The following TTC28 variants were observed in gnomAD, a reference collection of about 807,000 sequenced individuals.
TTC28 encodes the protein tetratricopeptide repeat domain 28.
Under a neutral mutation model 198.0 loss-of-function variants are expected in TTC28, and 61 were observed. The ratio of observed to expected loss-of-function variants is 0.31; its 90% CI spans 0.25 to 0.38. The LOEUF is 0.38. Ranked by LOEUF, TTC28 falls within the 10% of genes least tolerant of loss-of-function variation. TTC28 has a pLI of 1.00. For missense variants in TTC28, 2,678 were observed against 3,164.0 expected (o/e 0.85, Z 3.69); for synonymous variants, 1,171 against 1,297.8 (o/e 0.90, Z 2.10).
chr22:28,310,336 T>G (rs2045234807), intron 2 of TTC28, among the ~76,000 whole-genome samples: 1 of 152,230 alleles, frequency 6.6e-6, no homozygotes, highest in African/African-American at 2.4e-5. Flanking sequence ...ACCAAAGTAT[T>G]TATGCCCTAT....
At chr22:28,153,395 T>TAAAA (rs55726442) in intron 6 of TTC28, among the ~76,000 whole-genome samples, 1 of 97,144 alleles carries the variant, frequency 1.0e-5, no homozygotes, top group Non-Finnish European at 2.0e-5. Context: ...CTCAAAGAAT[T>TAAAA]AAAAAAAAAA....
chr22:27,995,048 A>G (rs1937527884), intron 17 of TTC28, among the ~76,000 whole-genome samples: 1 of 152,132 alleles, frequency 6.6e-6, no homozygotes, highest in Non-Finnish European at 1.5e-5. Flanking sequence ...GGAGACCCTA[A>G]GCTTCAGAAA....
intron 6 of TTC28, among the ~76,000 whole-genome samples, chr22:28,141,839 C>T (rs555135406): frequency 2.6e-5 from 4 of 152,226 alleles, no homozygotes; most frequent in South Asian, 2.1e-4. Flanking sequence ...TCCACAACCA[C>T]GAAACCTCTT....
intron 2 of TTC28, among the ~76,000 whole-genome samples, chr22:28,410,331 G>C (rs1025965048): frequency 6.6e-6 from 1 of 152,018 alleles, no homozygotes; most frequent in African/African-American, 2.4e-5. Flanking sequence ...CTAAACATAG[G>C]CATTTCCCTC....
In TTC28 at chr22:27,987,120, G is replaced by A. The variant is rs188141482; in HGVS notation, c.5708-1764C>T. On this transcript the variant is annotated intron_variant, in intron 21 of 22. Coordinates refer to ENST00000397906, the MANE Select transcript of TTC28 (RefSeq NM_001145418.2). ...CCTCTCTCCAGATGACAGGCCTACC[G>A]GACACCACTCTCCTCCCCGAGCTGT... Among the ~76,000 whole-genome samples, 319 of 152,178 alleles carry A rather than the reference G, an allele frequency of 2.1e-3. 1 individual carries two copies. Among genetic ancestry groups the A allele is most frequent in the Middle Eastern group, 6.8e-3 (2 of 294 alleles).
At chr22:28,288,706 G>A (rs533674605) in intron 5 of TTC28, among the ~76,000 whole-genome samples, 27 of 150,896 alleles carry the variant, frequency 1.8e-4, no homozygotes, top group Middle Eastern at 6.8e-3. Flanking sequence ...CCAGCTACTC[G>A]GGAGACTGAG....
chr22:28,298,114 C>G (rs2044936820), intron 3 of TTC28, among the ~76,000 whole-genome samples: 1 of 152,120 alleles, frequency 6.6e-6, no homozygotes, highest in African/African-American at 2.4e-5. Context: ...TCATGTACCA[C>G]TTTCCCTGAA....
At chr22:28,661,590 G>C (rs1423476454) in intron 1 of TTC28, among the ~76,000 whole-genome samples, 1 of 151,692 alleles carries the variant, frequency 6.6e-6, no homozygotes, top group Non-Finnish European at 1.5e-5. Flanking sequence ...CGGCTAATTT[G>C]ACTGATTGAT....
At chr22:28,359,289 A>G (rs1034805691) in intron 2 of TTC28, among the ~76,000 whole-genome samples, 2 of 152,188 alleles carry the variant, frequency 1.3e-5, no homozygotes, top group Non-Finnish European at 2.9e-5. Flanking sequence ...TATAAGAATC[A>G]TATCAGAAGA....
chr22:28,605,202 C>G (rs1360285486), intron 2 of TTC28, among the ~76,000 whole-genome samples: 1 of 152,122 alleles, frequency 6.6e-6, no homozygotes, highest in African/African-American at 2.4e-5. Context: ...AGCCTGGTTT[C>G]CAAGGAGATG....
intron 2 of TTC28, among the ~76,000 whole-genome samples, chr22:28,576,680 C>G (rs751558941): frequency 2.3e-4 from 35 of 152,004 alleles, no homozygotes; most frequent in Non-Finnish European, 4.1e-4. Flanking sequence ...TTGGTCTGTT[C>G]AGGTTTTCAA....
chr22:28,152,370 G>A (rs1040254554), intron 6 of TTC28, among the ~76,000 whole-genome samples: 24 of 152,096 alleles, frequency 1.6e-4, no homozygotes, highest in African/African-American at 5.3e-4. Flanking sequence ...GAGAAGGAGC[G>A]TCTTTGGCCT....
chr22:28,175,696 G>A (rs1307911675), intron 5 of TTC28, among the ~76,000 whole-genome samples: 1 of 151,978 alleles, frequency 6.6e-6, no homozygotes, highest in Non-Finnish European at 1.5e-5. Flanking sequence ...TGGCACCACT[G>A]CCCTCCAGCC....
intron 2 of TTC28, among the ~76,000 whole-genome samples, chr22:28,339,523 C>T (rs937373331): frequency 2.6e-5 from 4 of 152,214 alleles, no homozygotes; most frequent in Non-Finnish European, 4.4e-5. Context: ...CCTCCTTGAG[C>T]TACAGTGGGC....
At chr22:28,032,209 T>TAC (rs1390696044) in intron 12 of TTC28, among the ~76,000 whole-genome samples, 4 of 116,674 alleles carry the variant, frequency 3.4e-5, no homozygotes, top group Non-Finnish European at 7.2e-5. Context: ...ATATAAAATA[T>TAC]ATATATATAA....
At chr22:28,350,029 A>G (rs1408358947) in intron 2 of TTC28, among the ~76,000 whole-genome samples, 4 of 152,232 alleles carry the variant, frequency 2.6e-5, no homozygotes, top group Non-Finnish European at 2.9e-5. Context: ...AGGTTGAAAG[A>G]GTAAATGTAC....
intron 12 of TTC28, among the ~76,000 whole-genome samples, chr22:28,081,685 T>C (rs2146809565): frequency 6.6e-6 from 1 of 152,132 alleles, no homozygotes; most frequent in East Asian, 1.9e-4. Flanking sequence ...AGAGACGAGA[T>C]TTCACCATGT....
At chr22:28,493,185 G>A (rs2048402485) in intron 2 of TTC28, among the ~76,000 whole-genome samples, 1 of 151,898 alleles carries the variant, frequency 6.6e-6, no homozygotes, top group Admixed American at 6.6e-5. Flanking sequence ...GTGAGACCCT[G>A]CCTCTACTAA....
intron 3 of TTC28, among the ~76,000 whole-genome samples, chr22:28,304,284 CAAA>C (rs751847882): frequency 8.8e-6 from 1 of 113,420 alleles, no homozygotes. Context: ...GACTCCATCT[CAAA>C]AAAAAAAAAA....
Sources: allele counts gnomAD v4.1 joint callset (sites outside exome capture counted in the v4.1 genomes callset), GRCh38; gene constraint gnomAD v4.1.1; transcripts MANE v1.5; gene names NCBI Gene and HGNC (gene_info 2026-07-23, HGNC 2026-07-21).